Variants in GALNT11 observed in about 807,000 individuals in gnomAD.
GALNT11 encodes UDP-GalNAc:polypeptide N-acetylgalactosaminyltransferase 11.
Under a neutral mutation model 72.7 loss-of-function variants are expected in GALNT11, and 47 were observed. The ratio of observed to expected loss-of-function variants is 0.65; its 90% CI spans 0.51 to 0.82. The LOEUF (loss-of-function observed/expected upper bound fraction) is 0.82, where lower values mean the gene tolerates loss of function less well. Among genes scored for constraint, GALNT11 ranks in the 40% least tolerant of loss-of-function variants. The pLI is 0.00. For synonymous variants in GALNT11, 270 were observed against 286.6 expected (o/e 0.94, Z 0.58); for missense variants, 677 against 778.4 (o/e 0.87, Z 1.55).
intron 1 of GALNT11, among the ~76,000 whole-genome samples, chr7:152,030,950 C>T (rs550481892): frequency 4.2e-4 from 64 of 152,354 alleles, no homozygotes; most frequent in African/African-American, 1.5e-3. Context: ...TGGGTTTTTG[C>T]ACTGCATGCA....
intron 1 of GALNT11, among the ~76,000 whole-genome samples, chr7:152,041,086 A>G (rs2082837558): frequency 6.6e-6 from 1 of 152,158 alleles, no homozygotes; most frequent in Non-Finnish European, 1.5e-5. Flanking sequence ...TGCAACTGGG[A>G]ATCCTTGGGA....
chr7:152,044,934 C>G (rs1466383329), intron 1 of GALNT11, among the ~76,000 whole-genome samples: 1 of 151,608 alleles, frequency 6.6e-6, no homozygotes, highest in Non-Finnish European at 1.5e-5. Flanking sequence ...TTGTATATGG[C>G]TTTTATTCTA....
intron 5 of GALNT11, among the ~76,000 whole-genome samples, chr7:152,106,677 T>G (rs1055350017): frequency 2.0e-5 from 3 of 151,724 alleles, no homozygotes; most frequent in Non-Finnish European, 4.4e-5. Context: ...GTGAACTGAC[T>G]TTTTTTTAGA....
intron 1 of GALNT11, among the ~76,000 whole-genome samples, chr7:152,036,700 C>T (rs1227211575): frequency 6.6e-6 from 1 of 152,204 alleles, no homozygotes; most frequent in Admixed American, 6.5e-5. Flanking sequence ...TTTACATTCC[C>T]ACCAATGGTG....
In GALNT11 at chr7:152,077,310, G is replaced by C. The variant is rs2085044873; in HGVS notation, c.-38-16880G>C. Among the ~76,000 whole-genome samples the C allele has an allele frequency of 3.9e-5, 6 of 152,274 alleles. No individual in the cohort carries two copies. In the South Asian group the frequency reaches 1.2e-3, roughly 32 times the overall value. ...TAAAGAATTACTGGGTTAAGATTTGGGAGATGATAGAAAACCAGAGACGTG... is the reference window on the plus strand; with the variant it reads ...TAAAGAATTACTGGGTTAAGATTTGCGAGATGATAGAAAACCAGAGACGTG... On this transcript the variant is annotated intron_variant, in intron 1 of 11. Coordinates refer to ENST00000430044, the MANE Select transcript of GALNT11 (RefSeq NM_022087.4).
chr7:152,102,977 G>C, intron 3 of GALNT11, 135 bp from the exon 4 acceptor site: 1 of 767,434 alleles, frequency 1.3e-6, no homozygotes, highest in South Asian at 2.1e-5. Flanking sequence ...GCGAGACTCC[G>C]TCTCAAAAAA....
chr7:152,086,857 A>G (rs2129029177), intron 1 of GALNT11, among the ~76,000 whole-genome samples: 1 of 152,280 alleles, frequency 6.6e-6, no homozygotes, highest in African/African-American at 2.4e-5. Flanking sequence ...TGTTTCTTGT[A>G]CCTTTTCCAA....
At chr7:152,091,110 C>T (rs531643075) in intron 1 of GALNT11, among the ~76,000 whole-genome samples, 33 of 123,846 alleles carry the variant, frequency 2.7e-4, no homozygotes, top group Non-Finnish European at 4.4e-4. Flanking sequence ...TGCAGTGGTG[C>T]GATCTCGGCT....
chr7:152,077,705 C>T (rs752196871), intron 1 of GALNT11, among the ~76,000 whole-genome samples: 1 of 151,984 alleles, frequency 6.6e-6, no homozygotes, highest in Non-Finnish European at 1.5e-5. Flanking sequence ...ACATCTCACG[C>T]CTCAAATTAT....
intron 2 of GALNT11, among the ~76,000 whole-genome samples, chr7:152,095,017 C>T (rs1031582227): frequency 6.6e-5 from 10 of 152,056 alleles, no homozygotes; most frequent in Non-Finnish European, 1.0e-4. Context: ...CTGTATTTAA[C>T]TTATTTTTAA....
At chr7:152,095,285 C>T (rs1180614555) in intron 2 of GALNT11, among the ~76,000 whole-genome samples, 1 of 151,920 alleles carries the variant, frequency 6.6e-6, no homozygotes, top group Non-Finnish European at 1.5e-5. Flanking sequence ...TTGATTTTGA[C>T]ATTTTATTTT....
intron 3 of GALNT11, among the ~76,000 whole-genome samples, chr7:152,102,434 C>T (rs1026133291): frequency 8.6e-5 from 13 of 151,956 alleles, no homozygotes; most frequent in Admixed American, 2.6e-4. Context: ...CCCAGCTACT[C>T]AGGAGGTTGA....
intron 1 of GALNT11, among the ~76,000 whole-genome samples, chr7:152,080,251 G>T (rs1322189668): frequency 2.0e-5 from 3 of 152,124 alleles, no homozygotes; most frequent in Non-Finnish European, 4.4e-5. Flanking sequence ...GGTGCTTGTG[G>T]CTATGGAAAT....
At chr7:152,109,294 G>A (rs1468345443) in intron 6 of GALNT11, among the ~76,000 whole-genome samples, 3 of 152,200 alleles carry the variant, frequency 2.0e-5, no homozygotes, top group East Asian at 3.8e-4. Flanking sequence ...TTCTAGGTTG[G>A]CAATAGCAGA....
intron 1 of GALNT11, among the ~76,000 whole-genome samples, chr7:152,026,641 T>C (rs558597956): frequency 6.6e-6 from 1 of 152,374 alleles, no homozygotes; most frequent in South Asian, 2.1e-4. Flanking sequence ...TGAGCCAGAC[T>C]AAGGCACAAG....
Position 152,121,559 on chromosome 7 carries a change from T to TA in GALNT11, c.1710dup (p.Tyr571IlefsTer89). The TA allele has an allele frequency of 6.2e-7, 1 of 1,610,688 alleles. No homozygotes were observed. Among genetic ancestry groups the TA allele is most frequent in the Middle Eastern group, 1.7e-4 (1 of 6,038 alleles). The stretch of plus-strand genomic sequence containing the variant: ...CCTTTTTTTCAGAAAAACAATCGGC[T>TA]ATACCAGGTGTCGGTTGGACAGTGC... On this transcript the variant is annotated frameshift_variant, in exon 12 of 12. Transcript: ENST00000430044. LOFTEE classifies it high-confidence loss of function.
At chr7:152,090,119 C>T (rs2085915731) in intron 1 of GALNT11, among the ~76,000 whole-genome samples, 1 of 152,180 alleles carries the variant, frequency 6.6e-6, no homozygotes, top group Non-Finnish European at 1.5e-5. Context: ...CTGTTATCAT[C>T]CTTGCTCCTA....
rs535731694 is a variant in GALNT11, at chr7:152,078,601, C to T, written c.-38-15589C>T. Among the ~76,000 whole-genome samples the T allele has an allele frequency of 1.1e-4, 16 of 152,306 alleles. 1 individual carries two copies. The South Asian group carries it at 3.3e-3, about 32-fold the overall frequency. Reference sequence around the variant, plus strand: ...ATTCTTAATATAGCATAAGGTGATTCTTAAAGTTTTCCACTTCTAAGTAAT... The same window carrying T: ...ATTCTTAATATAGCATAAGGTGATTTTTAAAGTTTTCCACTTCTAAGTAAT... On this transcript the variant is annotated intron_variant, in intron 1 of 11. Coordinates refer to ENST00000430044, the MANE Select transcript of GALNT11 (RefSeq NM_022087.4).
rs551691218 is a variant in GALNT11, at chr7:152,066,524, C to T, written c.-38-27666C>T. Reference sequence around the variant, plus strand: ...AAATGCAGAAATCACCCGTCTTCTGCGTCACTCACGCTGGGAGCTGTAGAC... The same window carrying T: ...AAATGCAGAAATCACCCGTCTTCTGTGTCACTCACGCTGGGAGCTGTAGAC... On this transcript the variant is annotated intron_variant, in intron 1 of 11. Transcript: ENST00000430044. 1.9e-4 allele frequency among the ~76,000 whole-genome samples: 29 copies of T among 152,334 alleles called. No homozygotes were observed. The South Asian group carries it at 3.3e-3, about 17-fold the overall frequency.
Sources: gnomAD v4.1 joint callset for allele counts (sites outside exome capture counted in the v4.1 genomes callset) on GRCh38, gnomAD v4.1.1 for gene constraint, MANE v1.5 for transcripts, NCBI Gene and HGNC (gene_info 2026-07-23, HGNC 2026-07-21) for gene names.